HEG1: variants seen among roughly 807,000 people sequenced by gnomAD.
The protein encoded by HEG1 is protein HEG homolog 1.
In HEG1, 56 loss-of-function variants were observed where a neutral mutation model predicts 125.6. That is an observed-to-expected ratio of 0.45 (90% confidence interval 0.36 to 0.56). The LOEUF (loss-of-function observed/expected upper bound fraction) is 0.56, where lower values mean the gene tolerates loss of function less well. Ranked by LOEUF, HEG1 falls within the 20% of genes least tolerant of loss-of-function variation. The pLI, the probability that HEG1 is intolerant of heterozygous loss-of-function variation, is 0.00. For missense variants in HEG1, 1,523 were observed against 1,670.0 expected (o/e 0.91, Z 1.53); for synonymous variants, 644 against 668.5 (o/e 0.96, Z 0.57).
At chr3:125,028,362 G>A (rs912841340) in intron 2 of HEG1, among the ~76,000 whole-genome samples, 1 of 152,152 alleles carries the variant, frequency 6.6e-6, no homozygotes, top group Non-Finnish European at 1.5e-5. Context: ...CCCCGTTCAC[G>A]CAATGGTCCT....
intron 11 of HEG1, among the ~76,000 whole-genome samples, 172 bp downstream of exon 11, chr3:125,001,680 T>A (rs369636936): frequency 6.6e-6 from 1 of 152,212 alleles, no homozygotes; most frequent in East Asian, 1.9e-4. Flanking sequence ...TGTACATGCA[T>A]GCACACATAA....
intron 1 of HEG1, among the ~76,000 whole-genome samples, chr3:125,037,972 T>C (rs1937562381): frequency 6.6e-6 from 1 of 152,212 alleles, no homozygotes; most frequent in South Asian, 2.1e-4. Flanking sequence ...AATGTAGACA[T>C]GTAAGAGCTT....
chr3:124,987,952 CATAT>C (rs1553776022), intron 14 of HEG1, among the ~76,000 whole-genome samples: 5 of 54,704 alleles, frequency 9.1e-5, no homozygotes, highest in African/African-American at 1.9e-4. Flanking sequence ...CACACACACA[CATAT>C]ATATATATAT....
At chr3:125,021,871 T>C (rs1285814260) in intron 3 of HEG1, among the ~76,000 whole-genome samples, 2 of 152,218 alleles carry the variant, frequency 1.3e-5, no homozygotes, top group African/African-American at 4.8e-5. Flanking sequence ...TTTGCCCCAT[T>C]AAGCTTTAGA....
intron 8 of HEG1, among the ~76,000 whole-genome samples, chr3:125,006,643 C>T (rs1937074819): frequency 6.6e-6 from 1 of 152,222 alleles, no homozygotes; most frequent in Non-Finnish European, 1.5e-5. Context: ...TCTTTCTGAG[C>T]AGCAGGGAGC....
In HEG1 at chr3:124,974,075, C is replaced by A. The variant is rs73201531; in HGVS notation, c.3822-170G>T. ...GTTGTTATTTGGTATTTGCCTACAA[C>A]AAGTAAATATGCAGTTAGGTGCAAA... On this transcript the variant is annotated intron_variant, in intron 15 of 16. Coordinates refer to ENST00000311127, the MANE Select transcript of HEG1 (RefSeq NM_020733.2). Among the ~76,000 whole-genome samples, 308 of 152,146 alleles carry A rather than the reference C, an allele frequency of 2.0e-3. No homozygotes were observed. The highest frequency in any genetic ancestry group is 3.9e-3 in the Non-Finnish European group (265 of 68,012).
At chr3:124,998,095 C>T (rs1004429689) in intron 11 of HEG1, among the ~76,000 whole-genome samples, 8 of 152,140 alleles carry the variant, frequency 5.3e-5, no homozygotes, top group South Asian at 2.1e-4. Context: ...CACTGAGAAA[C>T]GAAATTGGAA....
At chr3:124,984,830 T>C (rs934627336) in intron 14 of HEG1, among the ~76,000 whole-genome samples, 1 of 151,968 alleles carries the variant, frequency 6.6e-6, no homozygotes, top group African/African-American at 2.4e-5. Flanking sequence ...AAGAATGGCT[T>C]AGATGACAGG....
chr3:125,052,972 T>C (rs1043779722), intron 1 of HEG1, among the ~76,000 whole-genome samples: 3 of 152,220 alleles, frequency 2.0e-5, no homozygotes, highest in African/African-American at 4.8e-5. Flanking sequence ...TCAGTGTATT[T>C]GGAAGTCCCA....
At chr3:125,021,167 G>C in intron 3 of HEG1, 37 bp from the exon 4 acceptor site, 2 of 1,465,064 alleles carry the variant, frequency 1.4e-6, no homozygotes, top group Non-Finnish European at 9.2e-7. Flanking sequence ...AATTACTCAG[G>C]AGTTTAAGAA....
rs1164221232 is a variant in HEG1, at chr3:125,013,323, C to G, written c.2256G>C (p.Glu752Asp). ...SSTPVLPRARETPVTSFQTST... is the reference protein window; with the variant it reads ...SSTPVLPRARDTPVTSFQTST... ...ATGTCTGAAATGAAGTCACAGGAGT[C>G]TCCCTTGCCCTGGGCAGGACAGGGG... is the stretch of plus-strand genomic sequence containing the variant. Residue 752 changes from glutamate (E) to aspartate (D), a missense_variant, in exon 6 of 17, where the codon GAG becomes GAC. Physicochemically the swap from Glu to Asp is conservative, Grantham distance 45. Coordinates refer to ENST00000311127, the MANE Select transcript of HEG1 (RefSeq NM_020733.2). 2 of 1,613,958 alleles carry G rather than the reference C, an allele frequency of 1.2e-6. No homozygotes were observed. Among genetic ancestry groups the G allele is most frequent in the Non-Finnish European group, 1.7e-6 (2 of 1,179,880 alleles).
At chr3:125,023,708 G>A (rs1937371910) in intron 3 of HEG1, among the ~76,000 whole-genome samples, 1 of 152,174 alleles carries the variant, frequency 6.6e-6, no homozygotes, top group Admixed American at 6.5e-5. Flanking sequence ...CTGGATTCTT[G>A]GTTATTTAAT....
chr3:125,017,646 C>T (rs1216731767), intron 5 of HEG1, among the ~76,000 whole-genome samples: 1 of 152,144 alleles, frequency 6.6e-6, no homozygotes, highest in East Asian at 1.9e-4. Flanking sequence ...GATGCAGCCA[C>T]TTTGGAAAAG....
At chr3:124,995,737 A>G (rs747417486) in intron 12 of HEG1, among the ~76,000 whole-genome samples, 16 of 152,246 alleles carry the variant, frequency 1.1e-4, no homozygotes, top group Non-Finnish European at 2.1e-4. Flanking sequence ...CAACAAGCCC[A>G]AAAGTGAATC....
chr3:125,041,753 A>G (rs1937595296), intron 1 of HEG1, among the ~76,000 whole-genome samples: 1 of 152,240 alleles, frequency 6.6e-6, no homozygotes, highest in African/African-American at 2.4e-5. Context: ...GTACAATGGG[A>G]TATTATTCAG....
Position 125,004,746 on chromosome 3 carries a change from G to A in HEG1, c.3297+519C>T, listed in dbSNP as rs79973780. On this transcript the variant is annotated intron_variant, in intron 9 of 16. Transcript: ENST00000311127. ...AAAAAAAAATTCTGATAAAAAGCGG[G>A]CAAAGAGGGAAAGAAGCAGAATCAA... 1.8e-3 allele frequency among the ~76,000 whole-genome samples: 278 copies of A among 152,204 alleles called. 5 individuals carry two copies. In the East Asian group the frequency reaches 0.045, roughly 25 times the overall value.
intron 11 of HEG1, among the ~76,000 whole-genome samples, chr3:124,998,616 T>C (rs1414009046): frequency 1.3e-5 from 2 of 152,186 alleles, no homozygotes; most frequent in African/African-American, 2.4e-5. Context: ...GCTTGCTACC[T>C]TGTTTACTTT....
chr3:124,978,249 G>A (rs1419498567), intron 14 of HEG1, among the ~76,000 whole-genome samples: 1 of 152,184 alleles, frequency 6.6e-6, no homozygotes, highest in African/African-American at 2.4e-5. Flanking sequence ...CTGGGTTCAA[G>A]CGATTCTCCT....
chr3:124,971,070 T>C (rs1419183516), intron 16 of HEG1: 6 of 552,948 alleles, frequency 1.1e-5, no homozygotes, highest in African/African-American at 5.6e-5. Context: ...ACCATCTAGT[T>C]GCAGGTGGAG....
Sources: gnomAD v4.1 joint callset for allele counts (sites outside exome capture counted in the v4.1 genomes callset) on GRCh38, gnomAD v4.1.1 for gene constraint, MANE v1.5 for transcripts, NCBI Gene and HGNC (gene_info 2026-07-23, HGNC 2026-07-21) for gene names.